The following JPH1 variants were observed in gnomAD, a reference collection of about 807,000 sequenced individuals.
JPH1 encodes junctophilin-1.
JPH1 carries 12 observed loss-of-function variants against 53.6 expected under a neutral mutation model. The ratio of observed to expected loss-of-function variants is 0.22; its 90% confidence interval spans 0.14 to 0.36. The LOEUF (loss-of-function observed/expected upper bound fraction) is 0.36. Among genes scored for constraint, JPH1 ranks in the 10% least tolerant of loss-of-function variants. JPH1 has a pLI of 1.00. For synonymous variants in JPH1, 375 were observed against 363.8 expected (o/e 1.03, Z -0.35); for missense variants, 808 against 905.5 (o/e 0.89, Z 1.38).
intron 2 of JPH1, among the ~76,000 whole-genome samples, chr8:74,274,400 T>A (rs1245814784): frequency 6.6e-6 from 1 of 152,204 alleles, no homozygotes; most frequent in Non-Finnish European, 1.5e-5. Flanking sequence ...TTTCCAGATA[T>A]AAATTTTGTA....
intron 4 of JPH1, among the ~76,000 whole-genome samples, chr8:74,239,543 T>A (rs1805634375): frequency 6.6e-6 from 1 of 152,232 alleles, no homozygotes; most frequent in Admixed American, 6.5e-5. Context: ...TCCTCAATTA[T>A]GGTTAATTTA....
chr8:74,266,136 A>AC (rs1806525108), intron 2 of JPH1, among the ~76,000 whole-genome samples: 1 of 151,940 alleles, frequency 6.6e-6, no homozygotes, highest in African/African-American at 2.4e-5. Flanking sequence ...TAAAAAAAAA[A>AC]CTGAAAGCAG....
At position 74,273,944 on chromosome 8, in the gene JPH1, G is replaced by A. The variant is rs543938473; in HGVS notation, c.1140-14441C>T. 6.2e-4 allele frequency among the ~76,000 whole-genome samples: 95 copies of A among 152,028 alleles called. No individual in the cohort carries two copies. In the South Asian group the frequency reaches 0.016, roughly 26 times the overall value. On this transcript the variant is annotated intron_variant, in intron 2 of 5. Transcript: ENST00000342232. ...CCTCTCTCAAAAGCCCATTTTTCCCGTCCCTTAGCCATCTCCTGGCAAGAA... is the reference window on the plus strand; with the variant it reads ...CCTCTCTCAAAAGCCCATTTTTCCCATCCCTTAGCCATCTCCTGGCAAGAA...
At chr8:74,246,214 G>A (rs1031033300) in intron 3 of JPH1, among the ~76,000 whole-genome samples, 1 of 152,174 alleles carries the variant, frequency 6.6e-6, no homozygotes, top group Non-Finnish European at 1.5e-5. Flanking sequence ...GGCAGAAGCT[G>A]ACAATGTCTC....
At chr8:74,258,009 C>G (rs1806287568) in intron 3 of JPH1, among the ~76,000 whole-genome samples, 1 of 152,140 alleles carries the variant, frequency 6.6e-6, no homozygotes. Context: ...TTGCTCCATC[C>G]TTGATTATAG....
At chr8:74,306,856 C>T (rs2131454359) in intron 2 of JPH1, among the ~76,000 whole-genome samples, 1 of 152,244 alleles carries the variant, frequency 6.6e-6, no homozygotes, top group Admixed American at 6.5e-5. Flanking sequence ...CTCGGCCTCC[C>T]AAAGTGCTGG....
At chr8:74,252,219 C>T (rs1270779837) in intron 3 of JPH1, among the ~76,000 whole-genome samples, 1 of 152,092 alleles carries the variant, frequency 6.6e-6, no homozygotes, top group Non-Finnish European at 1.5e-5. Flanking sequence ...CATAAAAACC[C>T]TAGAAGAAAA....
At position 74,320,605 on chromosome 8, in the gene JPH1, C is replaced by T. The variant is rs1451965346; in HGVS notation, c.379+304G>A. 2.0e-5 allele frequency among the ~76,000 whole-genome samples: 3 copies of T among 152,142 alleles called. No individual in the cohort carries two copies. The highest frequency in any genetic ancestry group is 4.4e-5 in the Non-Finnish European group (3 of 68,008). On this transcript the variant is annotated intron_variant, in intron 1 of 5. Transcript: ENST00000342232. The surrounding 1 kb of genome is among the most constrained non-coding windows in gnomAD (Gnocchi z 4.4). Reference sequence around the variant, plus strand: ...CTCTCTCCAGCCCAACCCTCCCGGGCGGCGCTCCCTCCCGGTGGCAGCGCA... The same window carrying T: ...CTCTCTCCAGCCCAACCCTCCCGGGTGGCGCTCCCTCCCGGTGGCAGCGCA...
chr8:74,273,484 G>C (rs1205132064), intron 2 of JPH1, among the ~76,000 whole-genome samples: 2 of 152,166 alleles, frequency 1.3e-5, no homozygotes, highest in Non-Finnish European at 2.9e-5. Context: ...AAAAACTTCG[G>C]GAATGAATAA....
At chr8:74,255,458 G>A (rs1191760830) in intron 3 of JPH1, among the ~76,000 whole-genome samples, 1 of 152,016 alleles carries the variant, frequency 6.6e-6, no homozygotes, top group Non-Finnish European at 1.5e-5. Flanking sequence ...GAAAACCTAG[G>A]CAATACCATT....
chr8:74,314,890 G>A lies in JPH1; in HGVS notation c.1110C>T (p.Ala370=), dbSNP rs140092813. The stretch of plus-strand genomic sequence containing the variant: ...AATTTGCTATTTCCACTTTGGTTCT[G>A]GCCATGGCAGCTGCCCTTTGGGCGC... The part of the protein sequence containing the change: ...IEGAQRAAAM[A]RTKVEIANSR... The change falls in exon 2 of 6, where the codon GCC becomes GCT. Residue 370 remains alanine (A), a synonymous_variant. Coordinates refer to ENST00000342232, the MANE Select transcript of JPH1 (RefSeq NM_020647.4). 2 of 1,614,148 alleles carry A rather than the reference G, an allele frequency of 1.2e-6. No homozygotes were observed. Among genetic ancestry groups the A allele is most frequent in the Non-Finnish European group, 1.7e-6 (2 of 1,180,042 alleles).
chr8:74,313,146 G>C (rs13263313), intron 2 of JPH1, among the ~76,000 whole-genome samples: 1 of 152,052 alleles, frequency 6.6e-6, no homozygotes, highest in South Asian at 2.1e-4. Flanking sequence ...CCAAGACTGA[G>C]CTGACTTTAG....
At chr8:74,237,332 T>C in intron 4 of JPH1, 29 bp from the exon 5 acceptor site, 1 of 1,527,874 alleles carries the variant, frequency 6.5e-7, no homozygotes, top group Non-Finnish European at 9.0e-7. Context: ...AAAGTAACTA[T>C]AACTTCTCCA....
At chr8:74,270,252 T>G (rs953651324) in intron 2 of JPH1, among the ~76,000 whole-genome samples, 2 of 152,230 alleles carry the variant, frequency 1.3e-5, no homozygotes, top group Non-Finnish European at 2.9e-5. Flanking sequence ...ATCCAACTCA[T>G]AGTTGCCTTC....
At chr8:74,241,458 C>T (rs1805688801) in intron 4 of JPH1, among the ~76,000 whole-genome samples, 1 of 151,968 alleles carries the variant, frequency 6.6e-6, no homozygotes, top group African/African-American at 2.4e-5. Flanking sequence ...TAGCAGGGCA[C>T]AGGGTAAGTC....
chr8:74,270,591 T>G (rs1286901997), intron 2 of JPH1, among the ~76,000 whole-genome samples: 1 of 152,230 alleles, frequency 6.6e-6, no homozygotes, highest in Non-Finnish European at 1.5e-5. Context: ...AAGTCAGTTT[T>G]GAAGATGAAT....
intron 3 of JPH1, among the ~76,000 whole-genome samples, chr8:74,247,075 C>T (rs1269470587): frequency 1.3e-5 from 2 of 152,174 alleles, no homozygotes; most frequent in Non-Finnish European, 2.9e-5. Context: ...CTTTCATCAG[C>T]TGAACTGTCC....
intron 2 of JPH1, among the ~76,000 whole-genome samples, chr8:74,307,940 G>T (rs1412840414): frequency 6.6e-6 from 1 of 152,114 alleles, no homozygotes; most frequent in African/African-American, 2.4e-5. Flanking sequence ...TCCATAATGT[G>T]CATTGACTCA....
chr8:74,261,192 A>T lies in JPH1; in HGVS notation c.1140-1689T>A, dbSNP rs551953034. 5.3e-4 allele frequency among the ~76,000 whole-genome samples: 81 copies of T among 152,316 alleles called. 1 individual carries two copies. The highest frequency in any genetic ancestry group is 1.2e-3 in the South Asian group (6 of 4,822). On this transcript the variant is annotated intron_variant, in intron 2 of 5. Coordinates refer to ENST00000342232, the MANE Select transcript of JPH1 (RefSeq NM_020647.4). ...TGGGGGACATTACATATTTGTCAAA[A>T]TCTATAGACTGTACAACACAAACAG...
Sources: allele counts gnomAD v4.1 joint callset (sites outside exome capture counted in the v4.1 genomes callset), GRCh38; gene constraint gnomAD v4.1.1; non-coding constraint Gnocchi (gnomAD v3.1); transcripts MANE v1.5; gene names NCBI Gene and HGNC (gene_info 2026-07-23, HGNC 2026-07-21).